MAP3K20: variants seen among roughly 807,000 people sequenced by gnomAD.
The protein encoded by MAP3K20 is mitogen-activated protein kinase kinase kinase 20, also known as HCCS-4.
Under a neutral mutation model 85.7 loss-of-function variants are expected in MAP3K20, and 40 were observed. The observed-to-expected ratio is 0.47, with a 90% CI of 0.36 to 0.61. The LOEUF (loss-of-function observed/expected upper bound fraction) is 0.61. Ranked by LOEUF, MAP3K20 falls within the 20% of genes least tolerant of loss-of-function variation. The probability of loss-of-function intolerance (pLI) is 0.00; values close to 1 mark genes in which losing one functional copy is unlikely to be tolerated. For missense variants in MAP3K20, 817 were observed against 961.7 expected (o/e 0.85, Z 1.99); for synonymous variants, 325 against 327.7 (o/e 0.99, Z 0.09).
rs1683823378 is a variant in MAP3K20, at chr2:173,209,851, A to AGCAGGCC, written c.851+17_851+23dup. On this transcript the variant is annotated intron_variant, in intron 10 of 19. Coordinates refer to ENST00000375213, the MANE Select transcript of MAP3K20 (RefSeq NM_016653.3). ...CGGAGTGGAGGTGGGTAGCCCCGAC[A>AGCAGGCC]GCAGGCCACAGCGTCTGGCTTTCAA... The AGCAGGCC allele has an allele frequency of 6.2e-7, 1 of 1,602,048 alleles. No individual in the cohort carries two copies. Among genetic ancestry groups the AGCAGGCC allele is most frequent in the South Asian group, 1.1e-5 (1 of 90,840 alleles).
At chr2:173,230,662 C>T (rs1460346649) in intron 12 of MAP3K20, among the ~76,000 whole-genome samples, 9 of 152,180 alleles carry the variant, frequency 5.9e-5, no homozygotes, top group Admixed American at 5.9e-4. Flanking sequence ...ATCACCATAT[C>T]TATTTTTTTA....
In MAP3K20 at chr2:173,231,005, A is replaced by AT. The variant is rs79343322; in HGVS notation, c.1033-1179dup. ...AGCAAGGCTTCATCTCAAAAAAAAAATTTTTTTTAAGTTCTATAAAACTCA... is the reference window on the plus strand; with the variant it reads ...AGCAAGGCTTCATCTCAAAAAAAAAATTTTTTTTTAAGTTCTATAAAACTCA... On this transcript the variant is annotated intron_variant, in intron 12 of 19. Transcript: ENST00000375213. Among the ~76,000 whole-genome samples, 55 of 152,206 alleles carry AT rather than the reference A, an allele frequency of 3.6e-4. No homozygotes were observed. The Middle Eastern group carries it at 0.01, about 28-fold the overall frequency.
chr2:173,144,079 C>T (rs1393230967), intron 2 of MAP3K20, among the ~76,000 whole-genome samples: 11 of 151,630 alleles, frequency 7.3e-5, no homozygotes, highest in South Asian at 4.2e-4. Context: ...GCAGATCACA[C>T]GAGCCCGGGT....
intron 2 of MAP3K20, among the ~76,000 whole-genome samples, chr2:173,149,051 C>T (rs530384886): frequency 5.3e-5 from 8 of 152,224 alleles, no homozygotes; most frequent in South Asian, 4.1e-4. Flanking sequence ...CTGTTGTAGA[C>T]GTATAGAATT....
intron 2 of MAP3K20, among the ~76,000 whole-genome samples, chr2:173,121,067 C>T (rs1688273438): frequency 1.3e-5 from 2 of 152,088 alleles, no homozygotes; most frequent in African/African-American, 4.8e-5. Context: ...TACAGGGTTG[C>T]CAGTGGTCCG....
chr2:173,223,197 G>A (rs1310212835), intron 11 of MAP3K20: 1 of 985,304 alleles, frequency 1.0e-6, no homozygotes, highest in Non-Finnish European at 1.2e-6. Flanking sequence ...TGGGTGTGAG[G>A]TGTACAGCAG....
At position 173,266,786 on chromosome 2, in the gene MAP3K20, A is replaced by G. The variant is rs749955438; in HGVS notation, c.*36A>G. 2 of 1,194,376 alleles carry G rather than the reference A, an allele frequency of 1.7e-6. No individual in the cohort carries two copies. Among genetic ancestry groups the G allele is most frequent in the African/African-American group, 3.3e-5 (2 of 60,420 alleles). 74.0% of individuals were successfully genotyped at this position (1,194,376 alleles called of 1,614,324 possible). ...TACATAGCTTTTCTAAGCAGGTTAA[A>G]AAAAAAAAAAAAAAGAAATGTAATG... On this transcript the variant is annotated 3_prime_UTR_variant, in exon 20 of 20. Transcript: ENST00000375213.
chr2:173,220,067 C>CAAAAAAAAAAA lies in MAP3K20; in HGVS notation c.987+2818_987+2828dup, dbSNP rs71018543. ...TGGGCAACAGTGCTAGACTCTGTCT[C>CAAAAAAAAAAA]AAAAAAAAAAAGGAAACTGATCCTG... On this transcript the variant is annotated intron_variant, in intron 11 of 19. Coordinates refer to ENST00000375213, the MANE Select transcript of MAP3K20 (RefSeq NM_016653.3). Among the ~76,000 whole-genome samples, 150 of 114,188 alleles carry CAAAAAAAAAAA rather than the reference C, an allele frequency of 1.3e-3. 3 individuals carry two copies. Among genetic ancestry groups the CAAAAAAAAAAA allele is most frequent in the Middle Eastern group, 4.9e-3 (1 of 206 alleles). The allele number at this position is 114,188 out of a possible 152,430, so 74.9% of individuals were successfully genotyped here. A position where few individuals can be genotyped will look rare whatever the true frequency, so the allele number is the denominator to read the frequency against.
At chr2:173,174,690 A>G (rs2106256355) in intron 3 of MAP3K20, among the ~76,000 whole-genome samples, 1 of 152,358 alleles carries the variant, frequency 6.6e-6, no homozygotes, top group South Asian at 2.1e-4. Context: ...TCTTTATAGT[A>G]GAATGATTTA....
chr2:173,120,908 C>T lies in MAP3K20; in HGVS notation c.159+29718C>T, dbSNP rs536057053. ...GTATTTTAGTAGAGACATGTTTCAC[C>T]GTGTTGGCCAGGATGGTCTCGATCT... On this transcript the variant is annotated intron_variant, in intron 2 of 19. Coordinates refer to ENST00000375213, the MANE Select transcript of MAP3K20 (RefSeq NM_016653.3). Among the ~76,000 whole-genome samples, 13 of 151,870 alleles carry T rather than the reference C, an allele frequency of 8.6e-5. No homozygotes were observed. The East Asian group carries it at 2.1e-3, about 25-fold the overall frequency.
chr2:173,258,859 A>G (rs763733142), intron 17 of MAP3K20, 44 bp downstream of exon 17: 1 of 1,250,326 alleles, frequency 8.0e-7, no homozygotes, highest in African/African-American at 1.5e-5. Flanking sequence ...GAATTCACAG[A>G]TATCAAACAA....
intron 16 of MAP3K20, among the ~76,000 whole-genome samples, chr2:173,252,110 A>T (rs1024977203): frequency 6.6e-6 from 1 of 151,916 alleles, no homozygotes; most frequent in African/African-American, 2.4e-5. Context: ...ATTTCTTTTT[A>T]TTCCCTCACC....
At chr2:173,121,455 C>A (rs867647694) in intron 2 of MAP3K20, among the ~76,000 whole-genome samples, 2 of 152,156 alleles carry the variant, frequency 1.3e-5, no homozygotes, top group African/African-American at 4.8e-5. Flanking sequence ...CAGGCAATCT[C>A]GGCTCACTGT....
At position 173,110,770 on chromosome 2, in the gene MAP3K20, G is replaced by T. The variant is rs1030374073; in HGVS notation, c.159+19580G>T. On this transcript the variant is annotated intron_variant, in intron 2 of 19. Coordinates refer to ENST00000375213, the MANE Select transcript of MAP3K20 (RefSeq NM_016653.3). ...TGCTGTTAATTCATTGCTTTTTATG[G>T]CTGTGTAGTATTCCATCATATATAT... Among the ~76,000 whole-genome samples the T allele has an allele frequency of 2.0e-5, 3 of 152,040 alleles. No homozygotes were observed. In the East Asian group the frequency reaches 5.8e-4, roughly 29 times the overall value.
chr2:173,203,442 C>T (rs1004256903), intron 8 of MAP3K20, among the ~76,000 whole-genome samples: 41 of 152,140 alleles, frequency 2.7e-4, no homozygotes, highest in Admixed American at 2.0e-4. Context: ...TTACATATAT[C>T]GCAAGTTGCC....
chr2:173,125,587 G>A (rs1021990688), intron 2 of MAP3K20, among the ~76,000 whole-genome samples: 3 of 152,014 alleles, frequency 2.0e-5, no homozygotes, highest in African/African-American at 7.2e-5. Flanking sequence ...TCAGTACCCT[G>A]GGGATTGGAA....
At chr2:173,195,115 T>A (rs1311067440) in intron 7 of MAP3K20, among the ~76,000 whole-genome samples, 3 of 150,644 alleles carry the variant, frequency 2.0e-5, no homozygotes, top group Non-Finnish European at 4.4e-5. Context: ...TTTAGTATGT[T>A]ATCCACAAAA....
chr2:173,085,342 A>C (rs1559224414), intron 1 of MAP3K20, among the ~76,000 whole-genome samples: 1 of 152,244 alleles, frequency 6.6e-6, no homozygotes, highest in Non-Finnish European at 1.5e-5. Context: ...GAGAAACTTA[A>C]GTCTATTTTT....
chr2:173,235,552 C>T lies in MAP3K20; in HGVS notation c.1204-2821C>T, dbSNP rs148758793. On this transcript the variant is annotated intron_variant, in intron 14 of 19. Transcript: ENST00000375213. ...CGAATCCATAGAGACAGAAAGCAAT[C>T]AGTGATTGCCAGCTGCTAGGGGGAG... is the stretch of plus-strand genomic sequence containing the variant. Among the ~76,000 whole-genome samples, 1,043 of 152,248 alleles carry T rather than the reference C, an allele frequency of 6.9e-3. 5 individuals are homozygous for T. Among genetic ancestry groups the T allele is most frequent in the Non-Finnish European group, 9.6e-3 (652 of 68,016 alleles).
Sources: allele counts gnomAD v4.1 joint callset (sites outside exome capture counted in the v4.1 genomes callset), GRCh38; gene constraint gnomAD v4.1.1; transcripts MANE v1.5; gene names NCBI Gene and HGNC (gene_info 2026-07-23, HGNC 2026-07-21).